CRYBG1: variants seen among roughly 807,000 people sequenced by gnomAD.
CRYBG1 encodes the protein crystallin beta-gamma domain containing 1.
In CRYBG1, 139 loss-of-function variants were observed where a neutral mutation model predicts 189.2. The ratio of observed to expected loss-of-function variants is 0.73; its 90% CI spans 0.64 to 0.85. The LOEUF is 0.85. Among genes scored for constraint, CRYBG1 ranks in the 40% least tolerant of loss-of-function variants. CRYBG1 has a pLI of 0.00. For missense variants in CRYBG1, 2,611 were observed against 2,675.8 expected, an observed-to-expected ratio of 0.98 and a Z score of 0.53; for synonymous variants, 1,023 against 1,017.1, an observed-to-expected ratio of 1.01 and a Z score of -0.11.
chr6:106,398,316 A>G (rs1770651633), intron 1 of CRYBG1, among the ~76,000 whole-genome samples: 1 of 152,144 alleles, frequency 6.6e-6, no homozygotes, highest in African/African-American at 2.4e-5. Context: ...TGAGTTCAAG[A>G]TCAACCTGGG....
chr6:106,517,357 TATACACATATATAC>T (rs1161442466), intron 3 of CRYBG1, among the ~76,000 whole-genome samples: 7 of 75,964 alleles, frequency 9.2e-5, no homozygotes, highest in Non-Finnish European at 9.0e-5. Flanking sequence ...CACATATATA[TATACACATATATAC>T]ACACACACAT....
chr6:106,404,801 C>T (rs1192280605), intron 1 of CRYBG1, among the ~76,000 whole-genome samples: 1 of 152,070 alleles, frequency 6.6e-6, no homozygotes, highest in Non-Finnish European at 1.5e-5. Context: ...CCTCCCCAAC[C>T]CAAGGGAAGC....
chr6:106,392,212 C>G (rs1186811916), intron 1 of CRYBG1, among the ~76,000 whole-genome samples: 1 of 152,026 alleles, frequency 6.6e-6, no homozygotes, highest in African/African-American at 2.4e-5. Context: ...CCAATCTTTT[C>G]TTTGGCTTGT....
At chr6:106,463,473 G>A (rs1449317192) in intron 2 of CRYBG1, among the ~76,000 whole-genome samples, 1 of 152,126 alleles carries the variant, frequency 6.6e-6, no homozygotes, top group Non-Finnish European at 1.5e-5. Flanking sequence ...TTAAACTTAT[G>A]ATCTATTCTT....
chr6:106,409,576 A>G (rs1314040241), intron 1 of CRYBG1, among the ~76,000 whole-genome samples: 4 of 152,104 alleles, frequency 2.6e-5, no homozygotes, highest in African/African-American at 9.7e-5. Flanking sequence ...GACAATCCTA[A>G]GCAAAACAAA....
At chr6:106,434,868 G>A (rs34284510) in intron 1 of CRYBG1, among the ~76,000 whole-genome samples, 1 of 152,220 alleles carries the variant, frequency 6.6e-6, no homozygotes, top group Non-Finnish European at 1.5e-5. Flanking sequence ...GTTTGCAAGG[G>A]AAAAGATTTA....
chr6:106,402,855 G>A (rs940145751), intron 1 of CRYBG1, among the ~76,000 whole-genome samples: 1 of 152,084 alleles, frequency 6.6e-6, no homozygotes, highest in African/African-American at 2.4e-5. Context: ...AGGGGAGGGT[G>A]GGGGAAGAAT....
chr6:106,411,975 A>G (rs1044714154), intron 1 of CRYBG1, among the ~76,000 whole-genome samples: 7 of 152,300 alleles, frequency 4.6e-5, no homozygotes, highest in Middle Eastern at 6.8e-3. Flanking sequence ...CTGGCAGCCA[A>G]TTGGATGGTG....
chr6:106,368,106 C>T (rs1299283672), intron 1 of CRYBG1, among the ~76,000 whole-genome samples: 1 of 151,782 alleles, frequency 6.6e-6, no homozygotes, highest in African/African-American at 2.4e-5. Flanking sequence ...ACATATCTTA[C>T]TATGAACATT....
chr6:106,557,898 A>G (rs1383974468), intron 17 of CRYBG1, among the ~76,000 whole-genome samples: 3 of 152,212 alleles, frequency 2.0e-5, no homozygotes, highest in Admixed American at 2.0e-4. Context: ...AAAATGATTG[A>G]CAGTTTGAAC....
chr6:106,516,413 T>C lies in CRYBG1; in HGVS notation c.1923-2718T>C, dbSNP rs372539426. ...CACACCTGGCTAATTTTTGTATTTTTAGTAGAGACAGGGTTTCACCATGTT... is the reference window on the plus strand; with the variant it reads ...CACACCTGGCTAATTTTTGTATTTTCAGTAGAGACAGGGTTTCACCATGTT... On this transcript the variant is annotated intron_variant, in intron 3 of 21. Transcript: ENST00000633556. Among the ~76,000 whole-genome samples, 7 of 152,248 alleles carry C rather than the reference T, an allele frequency of 4.6e-5. No homozygotes were observed. In the East Asian group the frequency reaches 1.4e-3, roughly 29 times the overall value.
chr6:106,519,008 C>G, intron 3 of CRYBG1, 123 bp from the exon 4 acceptor site: 1 of 976,138 alleles, frequency 1.0e-6, no homozygotes, highest in Non-Finnish European at 1.5e-6. Context: ...CACACACACA[C>G]CACACTCCAA....
chr6:106,401,868 C>T lies in CRYBG1; in HGVS notation c.173+40787C>T, dbSNP rs540155368. On this transcript the variant is annotated intron_variant, in intron 1 of 21. Coordinates refer to ENST00000633556, the MANE Select transcript of CRYBG1 (RefSeq NM_001371242.2). The stretch of plus-strand genomic sequence containing the variant: ...TGTGAATAGTGCCGCAATAAACATA[C>T]GTGTGCATGTGTCTTTATAACAGCA... Among the ~76,000 whole-genome samples, 490 of 150,910 alleles carry T rather than the reference C, an allele frequency of 3.2e-3. 6 individuals are homozygous for T. Among genetic ancestry groups the T allele is most frequent in the South Asian group, 0.015 (73 of 4,728 alleles).
chr6:106,423,861 T>A (rs1384384480), intron 1 of CRYBG1, among the ~76,000 whole-genome samples: 1 of 151,854 alleles, frequency 6.6e-6, no homozygotes, highest in Non-Finnish European at 1.5e-5. Context: ...CACACCACCA[T>A]GCCTGGCTAA....
At chr6:106,461,801 C>T (rs1207956257) in intron 2 of CRYBG1, among the ~76,000 whole-genome samples, 1 of 152,162 alleles carries the variant, frequency 6.6e-6, no homozygotes, top group Non-Finnish European at 1.5e-5. Context: ...GGGGGTTCAA[C>T]CTGCTGTGGG....
intron 2 of CRYBG1, among the ~76,000 whole-genome samples, chr6:106,475,798 A>T (rs749899179): frequency 4.6e-5 from 7 of 152,238 alleles, no homozygotes; most frequent in Non-Finnish European, 1.0e-4. Flanking sequence ...AGAGGGAAAC[A>T]AGAGGCAGGC....
chr6:106,422,429 C>T (rs1279897487), intron 1 of CRYBG1, among the ~76,000 whole-genome samples: 1 of 151,546 alleles, frequency 6.6e-6, no homozygotes, highest in African/African-American at 2.4e-5. Flanking sequence ...CCTCCCCAAG[C>T]TCAGGTGATC....
intron 17 of CRYBG1, among the ~76,000 whole-genome samples, chr6:106,557,213 C>T (rs1774569055): frequency 6.6e-6 from 1 of 152,106 alleles, no homozygotes; most frequent in Non-Finnish European, 1.5e-5. Context: ...GTCTTCTTTC[C>T]TCCATGTATG....
chr6:106,564,291 T>C (rs143605065), intron 21 of CRYBG1, among the ~76,000 whole-genome samples: 2 of 152,354 alleles, frequency 1.3e-5, no homozygotes, highest in Non-Finnish European at 2.9e-5. Flanking sequence ...ACATTTATTT[T>C]ATTATAATAG....
Sources: allele counts gnomAD v4.1 joint callset (sites outside exome capture counted in the v4.1 genomes callset), GRCh38; gene constraint gnomAD v4.1.1; transcripts MANE v1.5; gene names NCBI Gene and HGNC (gene_info 2026-07-23, HGNC 2026-07-21).